PBLD: variants seen among roughly 807,000 people sequenced by gnomAD.
The protein encoded by PBLD is phenazine biosynthesis like protein domain containing.
PBLD carries 26 observed loss-of-function variants against 31.3 expected under a neutral mutation model. The observed-to-expected ratio is 0.83, with a 90% CI of 0.61 to 1.15. The LOEUF is 1.15. Ranked by LOEUF, PBLD falls within the 50% of genes most tolerant of loss-of-function variation. The pLI is 0.00. For missense variants in PBLD, 307 were observed against 351.7 expected (o/e 0.87, Z 1.02); for synonymous variants, 114 against 129.0 (o/e 0.88, Z 0.79).
intron 2 of PBLD, 42 bp from the exon 3 acceptor site, chr10:68,297,027 G>T: frequency 6.9e-7 from 1 of 1,454,020 alleles, no homozygotes; most frequent in East Asian, 2.3e-5. Flanking sequence ...CAAAAACACA[G>T]ATCAGACTTC....
Position 68,296,262 on chromosome 10 carries a change from T to G in PBLD, c.283+4A>C. The G allele has an allele frequency of 6.2e-7, 1 of 1,600,114 alleles. No homozygotes were observed. The highest frequency in any genetic ancestry group is 1.1e-5 in the South Asian group (1 of 89,560). ...GTTAGATTCATTAAAGAAAATCACA[T>G]TACTTATTTTGTGAAACAGCACAGC... On this transcript the variant is annotated splice_donor_region_variant and intron_variant, in intron 4 of 9. Coordinates refer to ENST00000358769, the MANE Select transcript of PBLD (RefSeq NM_022129.4).
At chr10:68,324,561 C>G (rs186603418) in intron 1 of PBLD, among the ~76,000 whole-genome samples, 23 of 152,050 alleles carry the variant, frequency 1.5e-4, no homozygotes, top group Non-Finnish European at 3.2e-4. Flanking sequence ...GGTCCTTCTC[C>G]TAGTCTTCTC....
At chr10:68,291,886 C>G in intron 6 of PBLD, 124 bp downstream of exon 6, 2 of 1,126,602 alleles carry the variant, frequency 1.8e-6, no homozygotes, top group Middle Eastern at 3.0e-4. Context: ...TATTAAAATT[C>G]AAACCTGAAA....
At chr10:68,296,005 G>GAATTT (rs2044421710) in intron 4 of PBLD, 2 of 286,736 alleles carry the variant, frequency 7.0e-6, no homozygotes, top group African/African-American at 4.3e-5. Flanking sequence ...ATTCTTTGTA[G>GAATTT]ACCAGAAAGT....
Position 68,288,373 on chromosome 10 carries a change from C to T in PBLD, c.691+110G>A, listed in dbSNP as rs1408895520. 3 of 1,158,738 alleles carry T rather than the reference C, an allele frequency of 2.6e-6. No homozygotes were observed. In the Admixed American group the frequency reaches 7.8e-5, roughly 30 times the overall value. The allele number at this position is 1,158,738 out of a possible 1,614,324, so 71.8% of individuals were successfully genotyped here. On this transcript the variant is annotated intron_variant, in intron 8 of 9. Transcript: ENST00000358769. ...GATGGGGAAAGATAGAGGAACAAGG[C>T]AGCTCAAAACTCAAGCCACCTGAAA...
intron 2 of PBLD, among the ~76,000 whole-genome samples, chr10:68,298,716 T>G (rs908716976): frequency 6.6e-6 from 1 of 151,434 alleles, no homozygotes; most frequent in Non-Finnish European, 1.5e-5. Flanking sequence ...TAATAGCACT[T>G]AAGTCAAGGT....
At chr10:68,320,109 C>T (rs2044812363) in intron 1 of PBLD, among the ~76,000 whole-genome samples, 1 of 152,040 alleles carries the variant, frequency 6.6e-6, no homozygotes, top group Non-Finnish European at 1.5e-5. Context: ...ACGCGTGAGC[C>T]ACTCGCCCGC....
chr10:68,299,534 T>C (rs771070494), intron 2 of PBLD, among the ~76,000 whole-genome samples: 2 of 152,172 alleles, frequency 1.3e-5, no homozygotes, highest in Non-Finnish European at 2.9e-5. Context: ...AAATCAGTCA[T>C]GATTTTAAAA....
Position 68,310,183 on chromosome 10 carries a change from G to A in PBLD, c.-59-3280C>T, listed in dbSNP as rs1016428838. 2.0e-5 allele frequency among the ~76,000 whole-genome samples: 3 copies of A among 149,540 alleles called. 1 individual carries two copies. Among genetic ancestry groups the A allele is most frequent in the African/African-American group, 4.9e-5 (2 of 40,526 alleles). ...GAGTACGGGCATTCAAAGTGTATCC[G>A]AACACCATCTACTTTTTTTTCAGTT... is the stretch of plus-strand genomic sequence containing the variant. On this transcript the variant is annotated intron_variant, in intron 1 of 9. Transcript: ENST00000358769.
chr10:68,291,036 T>G (rs1407786824), intron 6 of PBLD, among the ~76,000 whole-genome samples: 1 of 152,226 alleles, frequency 6.6e-6, no homozygotes, highest in Non-Finnish European at 1.5e-5. Context: ...AGCCAAATAC[T>G]AGAGACTACA....
At chr10:68,302,925 C>T (rs2044524279) in intron 2 of PBLD, among the ~76,000 whole-genome samples, 1 of 150,796 alleles carries the variant, frequency 6.6e-6, no homozygotes, top group African/African-American at 2.4e-5. Context: ...GTCATGGGTC[C>T]CTCTAGTTTT....
intron 2 of PBLD, among the ~76,000 whole-genome samples, chr10:68,304,757 T>C (rs1055592065): frequency 2.6e-5 from 4 of 152,218 alleles, no homozygotes; most frequent in Non-Finnish European, 4.4e-5. Flanking sequence ...CATGCAGACA[T>C]GGGGCAAATG....
intron 1 of PBLD, among the ~76,000 whole-genome samples, chr10:68,311,001 C>A (rs1256022896): frequency 6.6e-6 from 1 of 152,172 alleles, no homozygotes; most frequent in East Asian, 1.9e-4. Flanking sequence ...TCATCTAACA[C>A]AAAGCCTATT....
intron 1 of PBLD, among the ~76,000 whole-genome samples, chr10:68,311,312 C>G (rs1246737786): frequency 1.3e-5 from 2 of 152,042 alleles, no homozygotes; most frequent in African/African-American, 4.8e-5. Flanking sequence ...GGCGGCCAGG[C>G]ATGGTGGCTC....
At chr10:68,300,991 G>C (rs1340274498) in intron 2 of PBLD, among the ~76,000 whole-genome samples, 4 of 152,244 alleles carry the variant, frequency 2.6e-5, no homozygotes, top group South Asian at 4.1e-4. Context: ...CTGCCTCCCA[G>C]GTTCAAGTGA....
chr10:68,308,641 TG>T (rs1294362701), intron 1 of PBLD, among the ~76,000 whole-genome samples: 1 of 150,364 alleles, frequency 6.7e-6, no homozygotes, highest in Non-Finnish European at 1.5e-5. Context: ...CTCTGCCTCC[TG>T]GGTTCAAGCG....
In PBLD at chr10:68,283,936, G is replaced by A. The variant is rs1345088683; in HGVS notation, c.*241C>T. 1.5e-5 allele frequency: 5 copies of A among 336,872 alleles called. No homozygotes were observed. The highest frequency in any genetic ancestry group is 2.1e-5 in the African/African-American group (1 of 47,020). 20.9% of individuals were successfully genotyped at this position (336,872 alleles called of 1,614,324 possible). A position where few individuals can be genotyped will look rare whatever the true frequency, so the allele number is the denominator to read the frequency against. On this transcript the variant is annotated 3_prime_UTR_variant, in exon 10 of 10. Transcript: ENST00000358769. ...TAATTTTTGTATTTGTAGTAGAGAC[G>A]AGGTTTCACCATGTTGGCCAGGCTG... is the stretch of plus-strand genomic sequence containing the variant.
chr10:68,315,540 G>A (rs867338552), intron 1 of PBLD, among the ~76,000 whole-genome samples: 10 of 149,714 alleles, frequency 6.7e-5, no homozygotes, highest in African/African-American at 9.9e-5. Flanking sequence ...AGCCAAGATC[G>A]CACCACTGCC....
intron 1 of PBLD, among the ~76,000 whole-genome samples, chr10:68,330,505 G>T (rs538629556): frequency 7.9e-5 from 12 of 152,074 alleles, no homozygotes; most frequent in Non-Finnish European, 1.5e-4. Context: ...GACACCCCAC[G>T]TATGTTCCTA....
Sources: gnomAD v4.1 joint callset for allele counts (sites outside exome capture counted in the v4.1 genomes callset) on GRCh38, gnomAD v4.1.1 for gene constraint, MANE v1.5 for transcripts, NCBI Gene and HGNC (gene_info 2026-07-23, HGNC 2026-07-21) for gene names.